IL1RAPL2: variants seen among roughly 807,000 people sequenced by gnomAD.
IL1RAPL2 encodes the protein interleukin 1 receptor accessory protein like 2, also known as X-linked interleukin-1 receptor accessory protein-like 2.
In IL1RAPL2, 3 loss-of-function variants were observed where a neutral mutation model predicts 44.1. The ratio of observed to expected loss-of-function variants is 0.07; its 90% CI spans 0.03 to 0.18. The LOEUF is 0.18. IL1RAPL2 is among the 10% of genes least tolerant of loss of function. IL1RAPL2 has a pLI of 1.00. For synonymous variants in IL1RAPL2, 181 were observed against 178.8 expected, an observed-to-expected ratio of 1.01 and a Z score of -0.10; for missense variants, 391 against 496.4, an observed-to-expected ratio of 0.79 and a Z score of 2.02.
At chrX:105,608,112 G>A (rs1212364934) in intron 6 of IL1RAPL2, among the ~76,000 whole-genome samples, 1 of 110,974 alleles carries the variant, frequency 9.0e-6, no homozygotes, top group Non-Finnish European at 1.9e-5. Context: ...CATGGGTTCA[G>A]GAGGAGAAAC....
chrX:104,897,537 G>C (rs1469143722), intron 2 of IL1RAPL2, among the ~76,000 whole-genome samples: 1 of 111,970 alleles, frequency 8.9e-6, no homozygotes, highest in African/African-American at 3.2e-5. Context: ...CAAGGAGAGA[G>C]GATATGAACC....
intron 5 of IL1RAPL2, among the ~76,000 whole-genome samples, chrX:105,417,953 A>T (rs759965708): frequency 8.9e-6 from 1 of 111,913 alleles, no homozygotes; most frequent in African/African-American, 3.2e-5. Flanking sequence ...TCATTTATCA[A>T]GGTACAACTC....
chrX:104,919,910 G>C (rs1303462727), intron 2 of IL1RAPL2, among the ~76,000 whole-genome samples: 1 of 110,492 alleles, frequency 9.1e-6, no homozygotes, highest in African/African-American at 3.3e-5. Context: ...GACTTTACAA[G>C]GGTACAATCT....
chrX:104,670,314 G>T (rs1361659683), intron 2 of IL1RAPL2, among the ~76,000 whole-genome samples: 1 of 111,521 alleles, frequency 9.0e-6, no homozygotes, highest in African/African-American at 3.3e-5. Flanking sequence ...GAAGCATCCA[G>T]CAAGGGAAAA....
intron 2 of IL1RAPL2, among the ~76,000 whole-genome samples, chrX:104,791,390 T>C (rs1244835825): frequency 9.0e-6 from 1 of 111,702 alleles, no homozygotes; most frequent in African/African-American, 3.3e-5. Context: ...TGCATTATTT[T>C]CGTTCCTAAA....
chrX:104,620,639 CAAAAA>C (rs771769782), intron 1 of IL1RAPL2, among the ~76,000 whole-genome samples: 1 of 14,585 alleles, frequency 6.9e-5, no homozygotes, highest in Non-Finnish European at 1.3e-4. Flanking sequence ...GAGTCTGTCT[CAAAAA>C]AAAAAAAAAA....
At chrX:104,879,723 C>A (rs969217396) in intron 2 of IL1RAPL2, among the ~76,000 whole-genome samples, 3 of 111,797 alleles carry the variant, frequency 2.7e-5, no homozygotes, top group Non-Finnish European at 5.6e-5. Context: ...GTAAATGTAG[C>A]AAATTGACTT....
intron 5 of IL1RAPL2, among the ~76,000 whole-genome samples, chrX:105,316,846 C>CG (rs2034845263): frequency 9.0e-6 from 1 of 111,127 alleles, no homozygotes; most frequent in Non-Finnish European, 1.9e-5. Flanking sequence ...TGATGGGGAG[C>CG]GGGGGAACAT....
intron 6 of IL1RAPL2, among the ~76,000 whole-genome samples, chrX:105,684,383 T>G (rs191928452): frequency 8.0e-5 from 9 of 113,096 alleles, no homozygotes; most frequent in Non-Finnish European, 1.7e-4. Flanking sequence ...GATTCTCTCC[T>G]GTGCCTGGCT....
chrX:105,055,010 T>G (rs186475532), intron 2 of IL1RAPL2, among the ~76,000 whole-genome samples: 24 of 112,857 alleles, frequency 2.1e-4, no homozygotes, highest in Admixed American at 2.1e-3. Context: ...TATGTATATG[T>G]GAATAGTTCA....
intron 1 of IL1RAPL2, among the ~76,000 whole-genome samples, chrX:104,650,727 A>G (rs1930138053): frequency 8.9e-6 from 1 of 111,937 alleles, no homozygotes; most frequent in Non-Finnish European, 1.9e-5. Flanking sequence ...TAAGTACTCT[A>G]CTATGCATGT....
chrX:104,898,546 C>T (rs1002943993), intron 2 of IL1RAPL2, among the ~76,000 whole-genome samples: 2 of 112,828 alleles, frequency 1.8e-5, no homozygotes, highest in African/African-American at 6.4e-5. Flanking sequence ...CATTGCATGG[C>T]TGTCCTGCCT....
At chrX:105,641,159 A>C (rs1019159626) in intron 6 of IL1RAPL2, among the ~76,000 whole-genome samples, 1 of 111,346 alleles carries the variant, frequency 9.0e-6, no homozygotes, top group Non-Finnish European at 1.9e-5. Flanking sequence ...TCTTGAGTTG[A>C]TATGTCAACC....
chrX:105,170,244 T>C (rs899486971), intron 2 of IL1RAPL2, among the ~76,000 whole-genome samples: 1 of 111,408 alleles, frequency 9.0e-6, no homozygotes, highest in Non-Finnish European at 1.9e-5. Context: ...CATATAAAAA[T>C]ATTTATAATA....
At chrX:104,646,890 G>A (rs915053247) in intron 1 of IL1RAPL2, among the ~76,000 whole-genome samples, 1 of 111,774 alleles carries the variant, frequency 8.9e-6, no homozygotes, top group African/African-American at 3.3e-5. Context: ...TCATGTGACC[G>A]AAGGCAAAGA....
At chrX:105,023,347 A>G (rs1362204042) in intron 2 of IL1RAPL2, among the ~76,000 whole-genome samples, 1 of 111,330 alleles carries the variant, frequency 9.0e-6, no homozygotes, top group East Asian at 2.8e-4. Context: ...GTCTTCCCTG[A>G]TCACCCTATC....
chrX:105,147,995 A>C (rs979591638), intron 2 of IL1RAPL2, among the ~76,000 whole-genome samples: 1 of 111,532 alleles, frequency 9.0e-6, no homozygotes, highest in African/African-American at 3.3e-5. Context: ...TAGGGTAAAC[A>C]AACCTAATTA....
chrX:105,431,110 A>G (rs1436345659), intron 5 of IL1RAPL2, among the ~76,000 whole-genome samples: 2 of 112,375 alleles, frequency 1.8e-5, no homozygotes, highest in Non-Finnish European at 3.8e-5. Flanking sequence ...TTACAATTCC[A>G]TCCTGGCACA....
chrX:105,033,828 T>C (rs1466273894), intron 2 of IL1RAPL2, among the ~76,000 whole-genome samples: 5 of 112,199 alleles, frequency 4.5e-5, no homozygotes, highest in Non-Finnish European at 9.4e-5. Context: ...TTTTCCAACT[T>C]GGTTCCATTC....
Sources: allele counts gnomAD v4.1 joint callset (sites outside exome capture counted in the v4.1 genomes callset), GRCh38; gene constraint gnomAD v4.1.1; transcripts MANE v1.5; gene names NCBI Gene and HGNC (gene_info 2026-07-23, HGNC 2026-07-21).